The following DLGAP1 variants were observed in gnomAD, a reference collection of about 807,000 sequenced individuals.
DLGAP1 encodes the protein DLG associated protein 1, also known as disks large-associated protein 1.
DLGAP1 carries 11 observed loss-of-function variants against 90.8 expected under a neutral mutation model. The observed-to-expected ratio is 0.12, with a 90% confidence interval of 0.08 to 0.20. The LOEUF (loss-of-function observed/expected upper bound fraction) is 0.20, where lower values mean the gene tolerates loss of function less well. Among genes scored for constraint, DLGAP1 ranks in the 10% least tolerant of loss-of-function variants. The pLI, the probability that DLGAP1 is intolerant of heterozygous loss-of-function variation, is 1.00. For missense variants in DLGAP1, 1,050 were observed against 1,333.8 expected (o/e 0.79, Z 3.31); for synonymous variants, 558 against 540.7 (o/e 1.03, Z -0.44).
intron 1 of DLGAP1, among the ~76,000 whole-genome samples, chr18:4,382,566 C>T (rs1024855912): frequency 6.7e-6 from 1 of 150,174 alleles, no homozygotes; most frequent in Non-Finnish European, 1.5e-5. Context: ...CTAATAAAAC[C>T]ACTGGAACAA....
chr18:4,277,175 T>C (rs1021397509), intron 1 of DLGAP1, among the ~76,000 whole-genome samples: 15 of 152,152 alleles, frequency 9.9e-5, no homozygotes, highest in Admixed American at 6.5e-4. Context: ...CTGTGAGAAA[T>C]AGGCGTGTTC....
intron 3 of DLGAP1, among the ~76,000 whole-genome samples, chr18:3,950,970 G>A (rs1599207962): frequency 6.6e-6 from 1 of 152,208 alleles, no homozygotes; most frequent in Admixed American, 6.5e-5. Flanking sequence ...AAACCTGAGA[G>A]AACAGATGAG....
chr18:4,443,450 G>C (rs570839424), intron 1 of DLGAP1, among the ~76,000 whole-genome samples: 2 of 152,248 alleles, frequency 1.3e-5, no homozygotes, highest in South Asian at 4.2e-4. Context: ...TGTGTTCCTG[G>C]TTAAAATTTA....
intron 1 of DLGAP1, among the ~76,000 whole-genome samples, chr18:4,359,481 C>G (rs1327120071): frequency 6.6e-6 from 1 of 152,196 alleles, no homozygotes; most frequent in Non-Finnish European, 1.5e-5. Context: ...CAACGATACA[C>G]CTCTTCATCA....
intron 1 of DLGAP1, among the ~76,000 whole-genome samples, chr18:4,269,651 G>A (rs190269214): frequency 2.0e-5 from 3 of 152,006 alleles, no homozygotes; most frequent in Admixed American, 6.6e-5. Flanking sequence ...ACCGCGCCCG[G>A]CCATATTCTA....
At chr18:3,722,728 C>T (rs914133794) in intron 7 of DLGAP1, among the ~76,000 whole-genome samples, 1 of 152,124 alleles carries the variant, frequency 6.6e-6, no homozygotes, top group Non-Finnish European at 1.5e-5. Flanking sequence ...GACTTCTGAA[C>T]CTTTGCCTCC....
At chr18:4,314,825 G>C (rs999187162) in intron 1 of DLGAP1, among the ~76,000 whole-genome samples, 5 of 152,184 alleles carry the variant, frequency 3.3e-5, no homozygotes, top group Admixed American at 3.3e-4. Flanking sequence ...CTAATTGGTA[G>C]ACAGGCAGGT....
At chr18:3,501,635 G>T (rs2143603178) in intron 12 of DLGAP1, among the ~76,000 whole-genome samples, 1 of 152,204 alleles carries the variant, frequency 6.6e-6, no homozygotes, top group South Asian at 2.1e-4. Context: ...GTAGGTGAGG[G>T]GACCTGAAAA....
At chr18:3,515,196 C>T (rs1384468562) in intron 10 of DLGAP1, among the ~76,000 whole-genome samples, 4 of 152,146 alleles carry the variant, frequency 2.6e-5, no homozygotes, top group South Asian at 2.1e-4. Context: ...AGGGGCCGGG[C>T]GCGGTGGCTC....
intron 1 of DLGAP1, among the ~76,000 whole-genome samples, chr18:4,393,073 G>C (rs546255457): frequency 6.6e-6 from 1 of 152,236 alleles, no homozygotes; most frequent in South Asian, 2.1e-4. Context: ...CCCTCACGTG[G>C]TTGTCAAATT....
chr18:4,452,466 T>C (rs1338660818), intron 1 of DLGAP1, among the ~76,000 whole-genome samples: 1 of 143,724 alleles, frequency 7.0e-6, no homozygotes, highest in Non-Finnish European at 1.5e-5. Context: ...TTCCAAGTTT[T>C]AATTTTATAT....
At chr18:4,344,577 A>G (rs567741298) in intron 1 of DLGAP1, among the ~76,000 whole-genome samples, 1 of 152,350 alleles carries the variant, frequency 6.6e-6, no homozygotes, top group East Asian at 1.9e-4. Flanking sequence ...GTCACTGGTG[A>G]GGCTACAAAG....
chr18:4,237,262 CTTG>C (rs1189831681), intron 1 of DLGAP1, among the ~76,000 whole-genome samples: 7 of 152,164 alleles, frequency 4.6e-5, no homozygotes, highest in Admixed American at 2.0e-4. Flanking sequence ...TAAATTTATA[CTTG>C]TTGTTGTTTG....
intron 4 of DLGAP1, among the ~76,000 whole-genome samples, chr18:3,834,232 G>A (rs376289757): frequency 3.3e-5 from 5 of 149,892 alleles, no homozygotes; most frequent in African/African-American, 1.2e-4. Context: ...CGTGAACCCA[G>A]GAGGCGGAGC....
chr18:4,233,898 A>G (rs1015331172), intron 1 of DLGAP1, among the ~76,000 whole-genome samples: 3 of 152,162 alleles, frequency 2.0e-5, no homozygotes, highest in African/African-American at 7.2e-5. Context: ...ATACAAATAA[A>G]CATAATACAA....
At chr18:4,096,848 T>C (rs2075688642) in intron 2 of DLGAP1, among the ~76,000 whole-genome samples, 1 of 150,728 alleles carries the variant, frequency 6.6e-6, no homozygotes, top group Non-Finnish European at 1.5e-5. Flanking sequence ...AACCCTCCTG[T>C]ATTTCAGTTT....
chr18:3,833,319 G>A (rs745346616), intron 4 of DLGAP1, among the ~76,000 whole-genome samples: 6 of 150,554 alleles, frequency 4.0e-5, no homozygotes, highest in Non-Finnish European at 5.9e-5. Flanking sequence ...CTGCAGCCTC[G>A]ATCTTTCAGG....
At chr18:3,640,328 G>T (rs1177202130) in intron 7 of DLGAP1, among the ~76,000 whole-genome samples, 1 of 152,152 alleles carries the variant, frequency 6.6e-6, no homozygotes, top group Non-Finnish European at 1.5e-5. Context: ...ACAGAGAATG[G>T]CACACTCTTA....
intron 7 of DLGAP1, among the ~76,000 whole-genome samples, chr18:3,605,895 C>T (rs1335937632): frequency 1.3e-5 from 2 of 152,124 alleles, no homozygotes; most frequent in Admixed American, 1.3e-4. Context: ...ACCGAGGACA[C>T]TGAGTGCCAC....
Sources: allele counts gnomAD v4.1 joint callset (sites outside exome capture counted in the v4.1 genomes callset), GRCh38; gene constraint gnomAD v4.1.1; transcripts MANE v1.5; gene names NCBI Gene and HGNC (gene_info 2026-07-23, HGNC 2026-07-21).